The following MAP2K4 variants were observed in gnomAD, a reference collection of about 807,000 sequenced individuals.
The protein encoded by MAP2K4 is dual specificity mitogen-activated protein kinase kinase 4.
Under a neutral mutation model 48.5 loss-of-function variants are expected in MAP2K4, and 4 were observed. The observed-to-expected ratio is 0.08, with a 90% CI of 0.04 to 0.19. The LOEUF (loss-of-function observed/expected upper bound fraction) is 0.19, where lower values mean the gene tolerates loss of function less well. MAP2K4 is among the 10% of genes least tolerant of loss of function. The pLI is 1.00. For synonymous variants in MAP2K4, 166 were observed against 173.1 expected (o/e 0.96, Z 0.32); for missense variants, 258 against 493.3 (o/e 0.52, Z 4.52).
Position 12,132,702 on chromosome 17 carries a change from G to A in MAP2K4, c.1040+3415G>A, listed in dbSNP as rs188488842. ...CTCAGCATTGGGAAATGGTCGACTC[G>A]TGGGTTGATAAAAAGAATTTACAGA... is the stretch of plus-strand genomic sequence containing the variant. On this transcript the variant is annotated intron_variant, in intron 9 of 10. Transcript: ENST00000353533. 2.6e-4 allele frequency among the ~76,000 whole-genome samples: 40 copies of A among 152,196 alleles called. No homozygotes were observed. In the East Asian group the frequency reaches 7.3e-3, roughly 28 times the overall value.
intron 2 of MAP2K4, among the ~76,000 whole-genome samples, chr17:12,064,649 A>T (rs1970556280): frequency 6.6e-6 from 1 of 152,120 alleles, no homozygotes; most frequent in Non-Finnish European, 1.5e-5. Context: ...CACTTTAGAA[A>T]ACTCTGCTAG....
chr17:12,086,691 T>C (rs1971374767), intron 3 of MAP2K4, among the ~76,000 whole-genome samples: 1 of 152,220 alleles, frequency 6.6e-6, no homozygotes, highest in Non-Finnish European at 1.5e-5. Flanking sequence ...AGGTGAATTT[T>C]AGTCAATCAT....
intron 6 of MAP2K4, among the ~76,000 whole-genome samples, chr17:12,111,622 T>TA (rs1005823770): frequency 1.3e-5 from 2 of 152,070 alleles, no homozygotes; most frequent in Admixed American, 6.6e-5. Flanking sequence ...TTGAATAAAA[T>TA]AAAAAAACTT....
At chr17:12,122,738 A>G (rs72821283) in intron 7 of MAP2K4, among the ~76,000 whole-genome samples, 2,774 of 152,290 alleles carry the variant, frequency 0.018, 41 homozygotes, top group South Asian at 0.057. Context: ...AAAGTGTTCT[A>G]TATTTCACCA....
At chr17:12,071,387 A>C (rs761082775) in intron 2 of MAP2K4, among the ~76,000 whole-genome samples, 5 of 152,112 alleles carry the variant, frequency 3.3e-5, no homozygotes, top group Non-Finnish European at 7.4e-5. Context: ...TCACATTTCA[A>C]AGGCAAGGTG....
At chr17:12,112,291 C>G (rs977999831) in intron 6 of MAP2K4, among the ~76,000 whole-genome samples, 1 of 151,864 alleles carries the variant, frequency 6.6e-6, no homozygotes, top group African/African-American at 2.4e-5. Flanking sequence ...GGTGAAACCC[C>G]ATCTCTACTA....
chr17:12,024,465 T>A (rs1462838414), intron 1 of MAP2K4, among the ~76,000 whole-genome samples: 1 of 152,240 alleles, frequency 6.6e-6, no homozygotes, highest in Non-Finnish European at 1.5e-5. Context: ...CTCATTTTTT[T>A]TTCATGTTCA....
intron 9 of MAP2K4, among the ~76,000 whole-genome samples, chr17:12,131,861 G>A (rs1200575641): frequency 6.6e-6 from 1 of 152,042 alleles, no homozygotes; most frequent in Non-Finnish European, 1.5e-5. Flanking sequence ...CACAGAATAT[G>A]TAAAGAATAC....
rs572340871 is a variant in MAP2K4 at position 12,027,796 on chromosome 17, T to G, written c.115+6795T>G. Among the ~76,000 whole-genome samples the G allele has an allele frequency of 2.9e-4, 44 of 151,904 alleles. 1 individual carries two copies. Among genetic ancestry groups the G allele is most frequent in the African/African-American group, 1.0e-3 (43 of 41,418 alleles). On this transcript the variant is annotated intron_variant, in intron 1 of 10. Transcript: ENST00000353533. ...AGGGTTGTGGCAGAGGTGTAGAGGGTGGGGTGTGGATCTCCAGGGCTGTTT... is the reference window on the plus strand; with the variant it reads ...AGGGTTGTGGCAGAGGTGTAGAGGGGGGGGTGTGGATCTCCAGGGCTGTTT...
At chr17:12,120,535 C>CT (rs1210341150) in intron 7 of MAP2K4, among the ~76,000 whole-genome samples, 1 of 7,186 alleles carries the variant, frequency 1.4e-4, no homozygotes, top group Non-Finnish European at 1.1e-3. Flanking sequence ...CTCCCTCATT[C>CT]CCCCCCCCAT....
chr17:12,095,187 C>T (rs776614414), intron 3 of MAP2K4, among the ~76,000 whole-genome samples: 6 of 152,044 alleles, frequency 3.9e-5, no homozygotes, highest in Admixed American at 2.0e-4. Context: ...AATTTTGAAA[C>T]GGTGATTAAA....
intron 9 of MAP2K4, among the ~76,000 whole-genome samples, chr17:12,132,297 G>A (rs975616585): frequency 5.3e-5 from 8 of 152,178 alleles, no homozygotes; most frequent in East Asian, 3.9e-4. Flanking sequence ...AAGAATGTCC[G>A]GAAAAGCACA....
chr17:12,054,499 G>A lies in MAP2K4; in HGVS notation c.116-390G>A, dbSNP rs186574479. ...TATATTCATTAAAATGAGGGAAAAC[G>A]ATATTTATTAAACTGAGGGCATTAA... On this transcript the variant is annotated intron_variant, in intron 1 of 10. Coordinates refer to ENST00000353533, the MANE Select transcript of MAP2K4 (RefSeq NM_003010.4). Among the ~76,000 whole-genome samples, 56 of 152,122 alleles carry A rather than the reference G, an allele frequency of 3.7e-4. No homozygotes were observed. In the East Asian group the frequency reaches 0.01, roughly 28 times the overall value.
In MAP2K4 at chr17:12,081,022, C is replaced by T. The variant is rs9907196; in HGVS notation, c.219-334C>T. Among the ~76,000 whole-genome samples, 26,068 of 152,204 alleles carry T rather than the reference C, an allele frequency of 0.17. 2,595 individuals are homozygous for T. Among genetic ancestry groups the T allele is most frequent in the South Asian group, 0.3 (1,456 of 4,822 alleles). ...CACTTGATAATGCTGTTTGGATAAA[C>T]CATCATCCAAGTTTGAATAAGATCT... On this transcript the variant is annotated intron_variant, in intron 2 of 10. Transcript: ENST00000353533. The surrounding 1 kb of genome is among the most constrained non-coding windows in gnomAD (Gnocchi z 4.2).
chr17:12,095,993 G>GA (rs1433681838), intron 4 of MAP2K4, among the ~76,000 whole-genome samples: 6 of 124,716 alleles, frequency 4.8e-5, no homozygotes, highest in African/African-American at 1.8e-4. Context: ...TTAAGAACCT[G>GA]AAAAATCAGC....
intron 8 of MAP2K4, among the ~76,000 whole-genome samples, chr17:12,128,454 A>T (rs1030511430): frequency 6.7e-6 from 1 of 149,952 alleles, no homozygotes; most frequent in African/African-American, 2.4e-5. Context: ...ATTAGAGAAT[A>T]TTTTTTTTTT....
intron 7 of MAP2K4, among the ~76,000 whole-genome samples, chr17:12,123,269 A>C (rs1170866387): frequency 6.6e-6 from 1 of 152,208 alleles, no homozygotes; most frequent in Non-Finnish European, 1.5e-5. Flanking sequence ...GGTTTTTAAT[A>C]ACATTCATTA....
chr17:12,091,619 A>G lies in MAP2K4; in HGVS notation c.394-3956A>G, dbSNP rs1203617291. On this transcript the variant is annotated intron_variant, in intron 3 of 10. Transcript: ENST00000353533. ...ATATTAATAGTCTTAAAGCCAGAGA[A>G]CTGGGAATGTAATCTTTTTTTCCTG... 3.9e-5 allele frequency among the ~76,000 whole-genome samples: 6 copies of G among 152,136 alleles called. No homozygotes were observed. In the East Asian group the frequency reaches 1.2e-3, roughly 29 times the overall value.
At chr17:12,104,164 A>G (rs935491999) in intron 4 of MAP2K4, among the ~76,000 whole-genome samples, 1 of 152,192 alleles carries the variant, frequency 6.6e-6, no homozygotes, top group Non-Finnish European at 1.5e-5. Flanking sequence ...TAGCTTGCTT[A>G]CTTTATAGTT....
Sources: gnomAD v4.1 joint callset for allele counts (sites outside exome capture counted in the v4.1 genomes callset) on GRCh38, gnomAD v4.1.1 for gene constraint, Gnocchi (gnomAD v3.1) non-coding constraint, MANE v1.5 for transcripts, NCBI Gene and HGNC (gene_info 2026-07-23, HGNC 2026-07-21) for gene names.